Variants in RASA2 observed in about 807,000 individuals in gnomAD.
RASA2 encodes the protein ras GTPase-activating protein 2.
A neutral mutation model predicts 118.2 loss-of-function variants in RASA2; 155 were observed. That is an observed-to-expected ratio of 1.31 (90% CI 1.15 to 1.50). The LOEUF is 1.50. RASA2 is among the 40% of genes most tolerant of loss of function. RASA2 has a pLI of 0.00. For synonymous variants in RASA2, 353 were observed against 349.1 expected, an observed-to-expected ratio of 1.01 and a Z score of -0.12; for missense variants, 1,016 against 1,009.6, an observed-to-expected ratio of 1.01 and a Z score of -0.09.
At chr3:141,603,459 T>C (rs1392366979) in intron 19 of RASA2, among the ~76,000 whole-genome samples, 1 of 151,936 alleles carries the variant, frequency 6.6e-6, no homozygotes, top group Non-Finnish European at 1.5e-5. Flanking sequence ...TAATCCCAGC[T>C]ACTCAGGAGG....
At chr3:141,569,667 A>G (rs762753590) in intron 9 of RASA2, among the ~76,000 whole-genome samples, 11 of 152,184 alleles carry the variant, frequency 7.2e-5, no homozygotes, top group Admixed American at 1.3e-4. Context: ...ATTCAGGGGT[A>G]TAGGTACAGG....
chr3:141,570,087 CTT>C (rs765302553), intron 9 of RASA2, among the ~76,000 whole-genome samples: 37 of 120,162 alleles, frequency 3.1e-4, no homozygotes, highest in African/African-American at 2.7e-4. Context: ...TGATAAAAAG[CTT>C]TTTTTTTTTT....
At chr3:141,577,574 A>C (rs947292410) in intron 15 of RASA2, among the ~76,000 whole-genome samples, 1 of 152,224 alleles carries the variant, frequency 6.6e-6, no homozygotes, top group African/African-American at 2.4e-5. Context: ...GAGAAATTCC[A>C]TTTAATTTAG....
At chr3:141,543,701 T>C (rs1428994551) in intron 5 of RASA2, among the ~76,000 whole-genome samples, 1 of 152,146 alleles carries the variant, frequency 6.6e-6, no homozygotes, top group Non-Finnish European at 1.5e-5. Context: ...AGTTCTTTTC[T>C]TTCCACATTT....
At position 141,558,977 on chromosome 3, in the gene RASA2, G is replaced by A. The variant is rs985717233; in HGVS notation, c.761+15G>A. On this transcript the variant is annotated intron_variant, in intron 8 of 23. Transcript: ENST00000286364. ...CTAGAAATCAGGTATGTGCCTTGGG[G>A]TTTTACAGAATTGCTTTTTTGTATA... is the stretch of plus-strand genomic sequence containing the variant. The A allele has an allele frequency of 6.4e-7, 1 of 1,572,182 alleles. No individual in the cohort carries two copies. Among genetic ancestry groups the A allele is most frequent in the African/African-American group, 1.4e-5 (1 of 73,424 alleles).
chr3:141,487,365 G>T lies in RASA2; in HGVS notation c.133+149G>T, dbSNP rs117367539. ...GGCCGGGCGCGGTTGAGGCTGGAAG[G>T]GGGTGTGTTGGGGGGCGGCGTCGCC... On this transcript the variant is annotated intron_variant, in intron 1 of 23. Transcript: ENST00000286364. The T allele has an allele frequency of 3.7e-3, 3,428 of 937,898 alleles. 174 individuals are homozygous for T. In the East Asian group the frequency reaches 0.11, roughly 31 times the overall value. The allele number at this position is 937,898 out of a possible 1,614,324, so 58.1% of individuals were successfully genotyped here.
At chr3:141,509,579 C>T (rs913322910) in intron 1 of RASA2, among the ~76,000 whole-genome samples, 26 of 151,856 alleles carry the variant, frequency 1.7e-4, no homozygotes, top group Admixed American at 3.9e-4. Flanking sequence ...TCCTATATTG[C>T]GACCTAGTTG....
intron 1 of RASA2, among the ~76,000 whole-genome samples, chr3:141,495,552 A>G (rs1183804201): frequency 6.6e-6 from 1 of 152,240 alleles, no homozygotes; most frequent in Admixed American, 6.5e-5. Context: ...TTTACAAAAA[A>G]AGGAAAGTTT....
rs116121366 is a variant in RASA2, at chr3:141,538,537, G to C, written c.451-1996G>C. Among the ~76,000 whole-genome samples, 713 of 152,064 alleles carry C rather than the reference G, an allele frequency of 4.7e-3. 5 individuals carry two copies. Among genetic ancestry groups the C allele is most frequent in the Non-Finnish European group, 8.0e-3 (546 of 67,958 alleles). ...AACATTATAGTATGTACCCTATTTT[G>C]TGATTTATTTCTTTTGCTAAGGATA... is the stretch of plus-strand genomic sequence containing the variant. On this transcript the variant is annotated intron_variant, in intron 4 of 23. Coordinates refer to ENST00000286364, the MANE Select transcript of RASA2 (RefSeq NM_006506.5).
At chr3:141,487,256 T>C in intron 1 of RASA2, 40 bp downstream of exon 1, 5 of 1,244,940 alleles carry the variant, frequency 4.0e-6, no homozygotes, top group Non-Finnish European at 5.1e-6. Flanking sequence ...CTGGCGGCGC[T>C]GGGCGCGAGG....
chr3:141,561,325 G>GT (rs2082727417), intron 9 of RASA2, among the ~76,000 whole-genome samples: 1 of 152,184 alleles, frequency 6.6e-6, no homozygotes, highest in South Asian at 2.1e-4. Flanking sequence ...CACATAATCT[G>GT]TTTTTTAAGT....
rs774826232 is a variant in RASA2, at chr3:141,570,957, T to C, written c.909T>C (p.Thr303=). ...PRDNGNKSSK[T]DDLGSLRLNI... ...ACAATGGAAACAAGTCATCCAAAAC[T>C]GATGACCTGGGGTCTCTTCGATTAA... The change falls in exon 10 of 24, where the codon ACT becomes ACC. Residue 303 remains threonine, a synonymous_variant. Coordinates refer to ENST00000286364, the MANE Select transcript of RASA2 (RefSeq NM_006506.5). 6 of 1,611,888 alleles carry C rather than the reference T, an allele frequency of 3.7e-6. No homozygotes were observed. Among genetic ancestry groups the C allele is most frequent in the Non-Finnish European group, 5.1e-6 (6 of 1,178,736 alleles).
At chr3:141,529,177 A>C (rs2082223702) in intron 3 of RASA2, among the ~76,000 whole-genome samples, 1 of 152,070 alleles carries the variant, frequency 6.6e-6, no homozygotes, top group Non-Finnish European at 1.5e-5. Context: ...GATAAAAGTA[A>C]ATTCTTAATA....
intron 5 of RASA2, 28 bp downstream of exon 5, chr3:141,540,637 C>T: frequency 6.4e-7 from 1 of 1,552,012 alleles, no homozygotes; most frequent in African/African-American, 1.4e-5. Flanking sequence ...CCAAAATCAA[C>T]TAGAAATAAT....
At chr3:141,558,987 A>G in intron 8 of RASA2, 25 bp downstream of exon 8, 7 of 1,550,230 alleles carry the variant, frequency 4.5e-6, no homozygotes, top group Non-Finnish European at 6.2e-6. Flanking sequence ...GTTTTACAGA[A>G]TTGCTTTTTT....
chr3:141,580,981 C>T (rs975305084), intron 16 of RASA2, 119 bp from the exon 17 acceptor site: 17 of 1,106,522 alleles, frequency 1.5e-5, no homozygotes, highest in Non-Finnish European at 2.0e-5. Context: ...AAGCCCTGAA[C>T]TCTCTGAAAA....
At chr3:141,544,641 G>A (rs947311709) in intron 5 of RASA2, among the ~76,000 whole-genome samples, 6 of 152,070 alleles carry the variant, frequency 3.9e-5, no homozygotes, top group Non-Finnish European at 7.4e-5. Context: ...TTCCTTTGGT[G>A]AGAGTTTCTT....
chr3:141,523,067 T>C (rs1003117692), intron 3 of RASA2, among the ~76,000 whole-genome samples: 1 of 152,158 alleles, frequency 6.6e-6, no homozygotes, highest in Non-Finnish European at 1.5e-5. Context: ...TGCTTCTCTC[T>C]GCTTCTTATG....
chr3:141,580,590 T>G, intron 16 of RASA2, 139 bp downstream of exon 16: 2 of 548,892 alleles, frequency 3.6e-6, no homozygotes, highest in Admixed American at 3.7e-5. Context: ...ACACAATAGC[T>G]GTCTTTTAAG....
Sources: gnomAD v4.1 joint callset for allele counts (sites outside exome capture counted in the v4.1 genomes callset) on GRCh38, gnomAD v4.1.1 for gene constraint, MANE v1.5 for transcripts, NCBI Gene and HGNC (gene_info 2026-07-23, HGNC 2026-07-21) for gene names.